Variants in CELF4 observed in about 807,000 individuals in gnomAD.
The protein encoded by CELF4 is CUG-BP- and ETR-3-like factor 4.
Under a neutral mutation model 59.9 loss-of-function variants are expected in CELF4, and 18 were observed. The observed-to-expected ratio is 0.30, with a 90% CI of 0.21 to 0.45. The LOEUF (loss-of-function observed/expected upper bound fraction) is 0.45. Among genes scored for constraint, CELF4 ranks in the 20% least tolerant of loss-of-function variants. The pLI is 1.00. For missense variants in CELF4, 456 were observed against 689.0 expected, an observed-to-expected ratio of 0.66 and a Z score of 3.79; for synonymous variants, 261 against 267.1, an observed-to-expected ratio of 0.98 and a Z score of 0.22.
chr18:37,283,110 G>C (rs1044230330), intron 3 of CELF4, among the ~76,000 whole-genome samples: 9 of 152,134 alleles, frequency 5.9e-5, no homozygotes, highest in African/African-American at 1.7e-4. Flanking sequence ...TCCTGGTGCT[G>C]TTTGATGTTG....
rs373551622 is a variant in CELF4 at position 37,274,757 on chromosome 18, C to T, written c.657+48G>A. ...GGCGGGGCGTGGCGGGTGCTGGGGT[C>T]TCGGCCCGCCGCTGCCCTCGCCCCC... On this transcript the variant is annotated intron_variant, in intron 5 of 12. Coordinates refer to ENST00000420428, the MANE Select transcript of CELF4 (RefSeq NM_020180.4). 96 of 1,521,944 alleles carry T rather than the reference C, an allele frequency of 6.3e-5. 1 individual carries two copies. The highest frequency in any genetic ancestry group is 5.4e-4 in the East Asian group (22 of 40,706). The allele number at this position is 1,521,944 out of a possible 1,614,324, so 94.3% of individuals were successfully genotyped here.
intron 3 of CELF4, among the ~76,000 whole-genome samples, chr18:37,303,855 A>G (rs2096237197): frequency 6.6e-6 from 1 of 151,998 alleles, no homozygotes; most frequent in South Asian, 2.1e-4. Flanking sequence ...TTCTGTTTCC[A>G]GACACTGTCA....
chr18:37,537,934 C>T (rs1359268809), intron 1 of CELF4, among the ~76,000 whole-genome samples: 2 of 152,212 alleles, frequency 1.3e-5, no homozygotes, highest in East Asian at 3.9e-4. Context: ...TGGGCTCACC[C>T]CACGGGGCTG....
chr18:37,560,770 C>T (rs1046849787), intron 1 of CELF4, among the ~76,000 whole-genome samples: 1 of 152,212 alleles, frequency 6.6e-6, no homozygotes, highest in Non-Finnish European at 1.5e-5. Flanking sequence ...TAGAGCCTCA[C>T]AGTTTAAATC....
At chr18:37,559,029 G>A (rs2099985752) in intron 1 of CELF4, among the ~76,000 whole-genome samples, 1 of 151,936 alleles carries the variant, frequency 6.6e-6, no homozygotes, top group Admixed American at 6.6e-5. Context: ...AATGAGGATG[G>A]AACCCTCCTC....
At chr18:37,332,194 T>C (rs1306119613) in intron 2 of CELF4, among the ~76,000 whole-genome samples, 1 of 152,040 alleles carries the variant, frequency 6.6e-6, no homozygotes, top group African/African-American at 2.4e-5. Flanking sequence ...GGCCCAAATT[T>C]CCCCAGGTTG....
chr18:37,546,872 G>T (rs1437372688), intron 1 of CELF4, among the ~76,000 whole-genome samples: 2 of 152,142 alleles, frequency 1.3e-5, no homozygotes, highest in Non-Finnish European at 2.9e-5. Context: ...GGCACAGTTT[G>T]TCTACGCAGG....
intron 2 of CELF4, among the ~76,000 whole-genome samples, chr18:37,379,193 G>A (rs1569568173): frequency 6.6e-6 from 1 of 152,170 alleles, no homozygotes; most frequent in African/African-American, 2.4e-5. Context: ...GAAACACTTA[G>A]TTGAATGGAG....
intron 1 of CELF4, among the ~76,000 whole-genome samples, chr18:37,503,038 A>G (rs2099933614): frequency 6.6e-6 from 1 of 152,176 alleles, no homozygotes; most frequent in Non-Finnish European, 1.5e-5. Flanking sequence ...AGCAGATGAC[A>G]TTTCCACCAC....
intron 3 of CELF4, among the ~76,000 whole-genome samples, chr18:37,309,945 T>A (rs1465605294): frequency 6.6e-6 from 1 of 151,290 alleles, no homozygotes; most frequent in Non-Finnish European, 1.5e-5. Flanking sequence ...GCCTTCCTTA[T>A]CCCATTCCAT....
At position 37,259,271 on chromosome 18, in the gene CELF4, TGAGGG is replaced by T; in HGVS notation, c.1250-12_1250-8del. 8.4e-6 allele frequency: 3 copies of T among 357,446 alleles called. No individual in the cohort carries two copies. The highest frequency in any genetic ancestry group is 1.2e-5 in the Non-Finnish European group (3 of 252,230). The allele number at this position is 357,446 out of a possible 1,614,324, so 22.1% of individuals were successfully genotyped here. A position where few individuals can be genotyped will look rare whatever the true frequency, so the allele number is the denominator to read the frequency against. On this transcript the variant is annotated splice_region_variant and splice_polypyrimidine_tract_variant and intron_variant, in intron 10 of 12. Coordinates refer to ENST00000420428, the MANE Select transcript of CELF4 (RefSeq NM_020180.4). The stretch of plus-strand genomic sequence containing the variant: ...AGGTTACAGCCCTCGGGCCCTGCGG[TGAGGG>T]GAGGGGGTGGGCGGGGGAGGAGGGA...
chr18:37,435,710 G>A (rs561969408), intron 2 of CELF4, among the ~76,000 whole-genome samples: 20 of 152,250 alleles, frequency 1.3e-4, no homozygotes, highest in Middle Eastern at 3.4e-3. Flanking sequence ...GCTCCCAGGC[G>A]ACTCTCAGCA....
At chr18:37,553,359 C>G (rs2099983825) in intron 1 of CELF4, among the ~76,000 whole-genome samples, 1 of 152,068 alleles carries the variant, frequency 6.6e-6, no homozygotes, top group African/African-American at 2.4e-5. Flanking sequence ...TCCACCCAGG[C>G]CCATCCATTT....
chr18:37,340,590 C>G (rs1483068992), intron 2 of CELF4, among the ~76,000 whole-genome samples: 1 of 152,226 alleles, frequency 6.6e-6, no homozygotes, highest in African/African-American at 2.4e-5. Context: ...GTCTCCCAGT[C>G]CCACAGGCCT....
intron 2 of CELF4, among the ~76,000 whole-genome samples, chr18:37,338,419 T>TAC (rs2097856630): frequency 7.0e-6 from 1 of 142,940 alleles, no homozygotes; most frequent in South Asian, 2.1e-4. Context: ...ATTGTCACCA[T>TAC]TATCAGCACC....
intron 6 of CELF4, chr18:37,273,864 TG>T (rs2092413455): frequency 1.0e-6 from 1 of 999,470 alleles, no homozygotes; most frequent in Non-Finnish European, 1.2e-6. Context: ...ATCAGAAGTG[TG>T]GGTGTGTAGG....
chr18:37,427,792 G>C (rs1786793), intron 2 of CELF4, among the ~76,000 whole-genome samples: 42,950 of 152,184 alleles, frequency 0.28, 6,300 homozygotes, highest in Middle Eastern at 0.42. Context: ...GAAGAACAAA[G>C]AGGCCTCCAG....
At chr18:37,294,796 A>G (rs965298469) in intron 3 of CELF4, among the ~76,000 whole-genome samples, 1 of 152,222 alleles carries the variant, frequency 6.6e-6, no homozygotes, top group Non-Finnish European at 1.5e-5. Flanking sequence ...TCCTAGAAAT[A>G]CAACCTAATT....
intron 2 of CELF4, among the ~76,000 whole-genome samples, chr18:37,409,912 T>G (rs542116853): frequency 1.3e-5 from 2 of 152,206 alleles, no homozygotes; most frequent in Non-Finnish European, 2.9e-5. Context: ...AAGTGACCCT[T>G]CACATGCAGC....
Sources: allele counts gnomAD v4.1 joint callset (sites outside exome capture counted in the v4.1 genomes callset), GRCh38; gene constraint gnomAD v4.1.1; transcripts MANE v1.5; gene names NCBI Gene and HGNC (gene_info 2026-07-23, HGNC 2026-07-21).